The following DOK5 variants were observed in gnomAD, a reference collection of about 807,000 sequenced individuals.
The protein encoded by DOK5 is downstream of tyrosine kinase 5.
DOK5 carries 27 observed loss-of-function variants against 43.3 expected under a neutral mutation model. The observed-to-expected ratio is 0.62, with a 90% confidence interval of 0.46 to 0.86. The LOEUF is 0.86. Ranked by LOEUF, DOK5 falls within the 40% of genes least tolerant of loss-of-function variation. The pLI, the probability that DOK5 is intolerant of heterozygous loss-of-function variation, is 0.00. For missense variants in DOK5, 373 were observed against 392.9 expected (o/e 0.95, Z 0.43); for synonymous variants, 146 against 140.1 (o/e 1.04, Z -0.30).
At chr20:54,518,890 G>A (rs1055184259) in intron 1 of DOK5, among the ~76,000 whole-genome samples, 9 of 152,170 alleles carry the variant, frequency 5.9e-5, no homozygotes, top group Non-Finnish European at 1.0e-4. Context: ...ACAAGTGGGC[G>A]AAGGTTATGA....
intron 1 of DOK5, among the ~76,000 whole-genome samples, chr20:54,536,946 T>C (rs1218035375): frequency 1.3e-5 from 2 of 152,332 alleles, no homozygotes; most frequent in East Asian, 3.9e-4. Context: ...GGACTTCTAA[T>C]TCTGCTCAGT....
At chr20:54,573,433 A>G (rs943487331) in intron 2 of DOK5, among the ~76,000 whole-genome samples, 1 of 152,166 alleles carries the variant, frequency 6.6e-6, no homozygotes, top group Non-Finnish European at 1.5e-5. Flanking sequence ...CATGCCTGTA[A>G]TCCCAGCACT....
intron 2 of DOK5, among the ~76,000 whole-genome samples, chr20:54,572,701 T>C (rs8115780): frequency 0.058 from 8,869 of 152,232 alleles, 890 homozygotes; most frequent in African/African-American, 0.2. Flanking sequence ...TTTGTAGGTC[T>C]TGGGACCTTT....
intron 5 of DOK5, among the ~76,000 whole-genome samples, chr20:54,607,813 G>A (rs1405924528): frequency 6.6e-6 from 1 of 152,026 alleles, no homozygotes; most frequent in Non-Finnish European, 1.5e-5. Context: ...AACCCGGGAG[G>A]TGGAGGTTGC....
intron 6 of DOK5, among the ~76,000 whole-genome samples, chr20:54,632,040 C>T (rs1366402070): frequency 1.3e-5 from 2 of 152,216 alleles, no homozygotes; most frequent in Non-Finnish European, 2.9e-5. Context: ...TGGACCCCTC[C>T]CCGCTTTTTG....
chr20:54,571,575 A>G (rs1439018988), intron 2 of DOK5, among the ~76,000 whole-genome samples: 1 of 151,964 alleles, frequency 6.6e-6, no homozygotes, highest in Non-Finnish European at 1.5e-5. Flanking sequence ...ATGCCAGTAC[A>G]TCTTCTCAAT....
At chr20:54,635,353 A>G (rs2146821531) in intron 6 of DOK5, among the ~76,000 whole-genome samples, 1 of 152,334 alleles carries the variant, frequency 6.6e-6, no homozygotes, top group East Asian at 1.9e-4. Flanking sequence ...CCAGGAGAGA[A>G]TTAACTAAGA....
intron 2 of DOK5, among the ~76,000 whole-genome samples, chr20:54,566,165 A>T (rs1218448542): frequency 6.7e-6 from 1 of 149,588 alleles, no homozygotes; most frequent in East Asian, 2.0e-4. Context: ...TTTCTTTTCA[A>T]GAATGTTTAA....
At chr20:54,610,082 G>T (rs1036092310) in intron 5 of DOK5, among the ~76,000 whole-genome samples, 1 of 152,186 alleles carries the variant, frequency 6.6e-6, no homozygotes, top group African/African-American at 2.4e-5. Context: ...GTGAAGGATA[G>T]GGAAGGTGAA....
chr20:54,636,253 G>A (rs1284852047), intron 6 of DOK5, among the ~76,000 whole-genome samples: 2 of 152,178 alleles, frequency 1.3e-5, no homozygotes, highest in Non-Finnish European at 2.9e-5. Context: ...TAGTTTAAAT[G>A]ATAATAGCCC....
At chr20:54,582,833 G>T (rs1206744441) in intron 2 of DOK5, among the ~76,000 whole-genome samples, 1 of 151,246 alleles carries the variant, frequency 6.6e-6, no homozygotes, top group Non-Finnish European at 1.5e-5. Flanking sequence ...TGGTTTCACT[G>T]GTTTTTCCTA....
intron 2 of DOK5, among the ~76,000 whole-genome samples, chr20:54,569,022 T>C (rs949349595): frequency 6.8e-6 from 1 of 147,846 alleles, no homozygotes; most frequent in Non-Finnish European, 1.5e-5. Context: ...TGTTGGACCC[T>C]AGTCCCTGCC....
intron 1 of DOK5, among the ~76,000 whole-genome samples, chr20:54,479,427 G>A (rs6023274): frequency 6.6e-6 from 1 of 151,930 alleles, no homozygotes; most frequent in African/African-American, 2.4e-5. Flanking sequence ...TTGAGTAATC[G>A]ATTAAATGCA....
intron 6 of DOK5, among the ~76,000 whole-genome samples, chr20:54,633,793 C>A (rs1978682402): frequency 6.6e-6 from 1 of 152,204 alleles, no homozygotes; most frequent in South Asian, 2.1e-4. Flanking sequence ...AGGTACTGAT[C>A]TTTTTGCCAT....
intron 1 of DOK5, among the ~76,000 whole-genome samples, chr20:54,519,662 A>G (rs1022342352): frequency 1.3e-5 from 2 of 152,222 alleles, no homozygotes; most frequent in Admixed American, 6.5e-5. Context: ...ACTAAAGTCT[A>G]TAATATCATT....
At chr20:54,598,421 G>C (rs1417149398) in intron 5 of DOK5, among the ~76,000 whole-genome samples, 1 of 152,098 alleles carries the variant, frequency 6.6e-6, no homozygotes, top group African/African-American at 2.4e-5. Context: ...AGATCCAATT[G>C]ACATGAAGTT....
At position 54,648,809 on chromosome 20, in the gene DOK5, C is replaced by T. The variant is rs972768111; in HGVS notation, c.857-1606C>T. Among the ~76,000 whole-genome samples, 35 of 152,094 alleles carry T rather than the reference C, an allele frequency of 2.3e-4. 1 individual carries two copies. Among genetic ancestry groups the T allele is most frequent in the African/African-American group, 8.2e-4 (34 of 41,410 alleles). ...ACAGGAGAGGAAGTGGGAGACTAGC[C>T]CCAAGGCCGTTGCACATGAGCACCG... is the stretch of plus-strand genomic sequence containing the variant. On this transcript the variant is annotated intron_variant, in intron 7 of 7. Coordinates refer to ENST00000262593, the MANE Select transcript of DOK5 (RefSeq NM_018431.5).
At chr20:54,519,065 A>G (rs534063150) in intron 1 of DOK5, among the ~76,000 whole-genome samples, 35 of 152,360 alleles carry the variant, frequency 2.3e-4, no homozygotes, top group African/African-American at 8.4e-4. Flanking sequence ...CAGGTGCTGG[A>G]GAGGATGTGA....
chr20:54,647,335 C>A (rs1296706100), intron 7 of DOK5, among the ~76,000 whole-genome samples: 2 of 151,730 alleles, frequency 1.3e-5, no homozygotes, highest in African/African-American at 2.4e-5. Context: ...TGAAACCCCA[C>A]CTCTACTAAA....
Sources: allele counts gnomAD v4.1 joint callset (sites outside exome capture counted in the v4.1 genomes callset), GRCh38; gene constraint gnomAD v4.1.1; transcripts MANE v1.5; gene names NCBI Gene and HGNC (gene_info 2026-07-23, HGNC 2026-07-21).